The following PANK2 variants were observed in gnomAD, a reference collection of about 807,000 sequenced individuals.
The protein encoded by PANK2 is pantothenate kinase 2, mitochondrial.
PANK2 carries 36 observed loss-of-function variants against 43.1 expected under a neutral mutation model. The observed-to-expected ratio is 0.84, with a 90% CI of 0.64 to 1.10. The LOEUF (loss-of-function observed/expected upper bound fraction) is 1.10. PANK2 is among the 50% of genes least tolerant of loss of function. The pLI is 0.00. For missense variants in PANK2, 576 were observed against 593.3 expected (o/e 0.97, Z 0.30); for synonymous variants, 281 against 238.2 (o/e 1.18, Z -1.66).
intron 1 of PANK2, chr20:3,901,663 CT>C (rs869040386): frequency 3.3e-6 from 3 of 913,816 alleles, no homozygotes; most frequent in African/African-American, 1.8e-5. Context: ...AAAGTCAGTA[CT>C]TTTGTTTATT....
At chr20:3,913,492 C>T (rs1407790690) in intron 4 of PANK2, among the ~76,000 whole-genome samples, 10 of 151,778 alleles carry the variant, frequency 6.6e-5, no homozygotes, top group South Asian at 6.2e-4. Flanking sequence ...TACAGGCATG[C>T]GCCACCAAGC....
At chr20:3,889,967 T>C in intron 1 of PANK2, 6 of 1,503,598 alleles carry the variant, frequency 4.0e-6, no homozygotes, top group Non-Finnish European at 5.3e-6. Flanking sequence ...TGGAGGGCTT[T>C]TCCCCAGGAC....
intron 1 of PANK2, among the ~76,000 whole-genome samples, chr20:3,902,668 A>G (rs1256698674): frequency 6.7e-6 from 1 of 150,148 alleles, no homozygotes; most frequent in East Asian, 2.0e-4. Context: ...TGATCCTCCC[A>G]TCTCGGCCTC....
Position 3,903,977 on chromosome 20 carries a change from A to G in PANK2, c.299-3949A>G, listed in dbSNP as rs181240341. 3.2e-4 allele frequency among the ~76,000 whole-genome samples: 48 copies of G among 151,794 alleles called. 1 individual carries two copies. The highest frequency in any genetic ancestry group is 1.1e-3 in the African/African-American group (44 of 41,406). On this transcript the variant is annotated intron_variant, in intron 1 of 6. Coordinates refer to ENST00000610179, the MANE Select transcript of PANK2 (RefSeq NM_001386393.1). The stretch of plus-strand genomic sequence containing the variant: ...TGTTTAGTACATACGTACATACTTT[A>G]GTACAATATGATTTCACCATATTGG...
intron 1 of PANK2, 22 bp downstream of exon 1, chr20:3,889,750 C>T (rs1687663526): frequency 6.3e-7 from 1 of 1,584,410 alleles, no homozygotes; most frequent in Non-Finnish European, 8.5e-7. Flanking sequence ...GTGGGGCGCC[C>T]TCCCGGCCCG....
Position 3,914,003 on chromosome 20 carries a change from A to C in PANK2, c.1082+1369A>C, listed in dbSNP as rs575282916. 2.2e-3 allele frequency among the ~76,000 whole-genome samples: 338 copies of C among 151,242 alleles called. 2 individuals are homozygous for C. Among genetic ancestry groups the C allele is most frequent in the Non-Finnish European group, 3.4e-3 (231 of 67,778 alleles). On this transcript the variant is annotated intron_variant, in intron 4 of 6. Coordinates refer to ENST00000610179, the MANE Select transcript of PANK2 (RefSeq NM_001386393.1). ...ATGGGGTTTCACTATGTTGGCCAGG[A>C]TGGTCTCGATCTGCTGACCTCATGA... is the stretch of plus-strand genomic sequence containing the variant.
chr20:3,923,125 T>G, intron 6 of PANK2, 119 bp from the exon 7 acceptor site: 1 of 1,202,624 alleles, frequency 8.3e-7, no homozygotes, highest in South Asian at 1.2e-5. Flanking sequence ...TCTGGGGTGC[T>G]CAGGAAATGG....
chr20:3,927,935 G>A lies in PANK2; in HGVS notation c.*4641G>A, dbSNP rs1477748832. The A allele has an allele frequency of 6.6e-6, 1 of 152,196 alleles. No homozygotes were observed. The highest frequency in any genetic ancestry group is 6.5e-5 in the Admixed American group (1 of 15,280). The allele number at this position is 152,196 out of a possible 1,614,324, so 9.4% of individuals were successfully genotyped here. The stretch of plus-strand genomic sequence containing the variant: ...TGGTCAAAAAGTGGAGTACATCTTT[G>A]CATCTTGTAACAATTTGGGCTCTAC... On this transcript the variant is annotated 3_prime_UTR_variant, in exon 7 of 7. Transcript: ENST00000610179.
upstream of PANK2, chr20:3,888,812 G>A (rs1450587250): frequency 7.1e-6 from 3 of 419,604 alleles, no homozygotes; most frequent in Admixed American, 3.8e-5. Flanking sequence ...TCCAACGCAG[G>A]CGGAAAGGAG....
In PANK2 at chr20:3,912,548, T is replaced by G; in HGVS notation, c.996T>G (p.Asp332Glu). The change falls in exon 4 of 7, where the codon GAT becomes GAG. Residue 332 changes from aspartate (D) to glutamate (E), a missense_variant. Coordinates refer to ENST00000610179, the MANE Select transcript of PANK2 (RefSeq NM_001386393.1). ...CTCTTGAAATGGCATCTCGTGGAGA[T>G]AGCACCAAAGTGGATAAACTAGTAC... 1 of 1,614,164 alleles carries G rather than the reference T, an allele frequency of 6.2e-7. No homozygotes were observed. The highest frequency in any genetic ancestry group is 8.5e-7 in the Non-Finnish European group (1 of 1,180,034).
At chr20:3,906,070 C>CAGAT (rs2146854524) in intron 1 of PANK2, among the ~76,000 whole-genome samples, 1 of 152,214 alleles carries the variant, frequency 6.6e-6, no homozygotes, top group South Asian at 2.1e-4. Flanking sequence ...GAAGCATGTA[C>CAGAT]AGATGCTTTT....
chr20:3,893,253 C>G (rs1409423171), intron 1 of PANK2, among the ~76,000 whole-genome samples: 1 of 152,058 alleles, frequency 6.6e-6, no homozygotes, highest in East Asian at 1.9e-4. Context: ...ACTTCAGATC[C>G]AGTGTTCTTG....
Position 3,925,394 on chromosome 20 carries a change from TG to T in PANK2, c.*2102del. On this transcript the variant is annotated 3_prime_UTR_variant, in exon 7 of 7. Coordinates refer to ENST00000610179, the MANE Select transcript of PANK2 (RefSeq NM_001386393.1). ...GACTACAGGCATGTGCCACCATGGCTGGCTAATTTTTATATTTTTAGTAGAG... is the reference window on the plus strand; with the variant it reads ...GACTACAGGCATGTGCCACCATGGCTGCTAATTTTTATATTTTTAGTAGAG... The T allele has an allele frequency of 6.6e-6, 1 of 152,418 alleles. No homozygotes were observed. Among genetic ancestry groups the T allele is most frequent in the South Asian group, 2.1e-4 (1 of 4,836 alleles). The allele number at this position is 152,418 out of a possible 1,614,324, so 9.4% of individuals were successfully genotyped here.
chr20:3,891,372 A>G (rs574460480), intron 1 of PANK2: 4 of 152,154 alleles, frequency 2.6e-5, no homozygotes, highest in Admixed American at 6.6e-5. Flanking sequence ...GCAGTCGTCT[A>G]CTAAGAGCTT....
At chr20:3,890,587 C>A (rs754431679) in intron 1 of PANK2, among the ~76,000 whole-genome samples, 16 of 152,114 alleles carry the variant, frequency 1.1e-4, no homozygotes, top group Non-Finnish European at 2.1e-4. Flanking sequence ...CAGTGTGATG[C>A]CATTTTACAT....
chr20:3,920,799 C>T (rs982920144), intron 6 of PANK2, among the ~76,000 whole-genome samples: 24 of 152,132 alleles, frequency 1.6e-4, no homozygotes, highest in African/African-American at 3.4e-4. Context: ...GAGCCGAGAT[C>T]GCACCACTGC....
At chr20:3,912,236 G>A (rs1303562069) in intron 3 of PANK2, among the ~76,000 whole-genome samples, 1 of 152,156 alleles carries the variant, frequency 6.6e-6, no homozygotes, top group Admixed American at 6.6e-5. Flanking sequence ...CTGCACTGGG[G>A]ACATGGGCCC....
upstream of PANK2, chr20:3,889,021 G>C (rs1190090392): frequency 8.5e-7 from 1 of 1,175,878 alleles, no homozygotes; most frequent in Non-Finnish European, 1.2e-6. Context: ...AGCGGGGTGG[G>C]ACTCGGGGTC....
chr20:3,889,971 C>T (rs1275641383), intron 1 of PANK2: 9 of 1,490,698 alleles, frequency 6.0e-6, no homozygotes, highest in Non-Finnish European at 8.1e-6. Flanking sequence ...GGGCTTTTCC[C>T]CAGGACCTGT....
Sources: allele counts gnomAD v4.1 joint callset (sites outside exome capture counted in the v4.1 genomes callset), GRCh38; gene constraint gnomAD v4.1.1; transcripts MANE v1.5; gene names NCBI Gene and HGNC (gene_info 2026-07-23, HGNC 2026-07-21).